Variants in MARCHF11 observed in about 807,000 individuals in gnomAD.
MARCHF11 encodes membrane associated ring-CH-type finger 11.
MARCHF11 carries 29 observed loss-of-function variants against 37.3 expected under a neutral mutation model. The observed-to-expected ratio is 0.78, with a 90% CI of 0.58 to 1.06. MARCHF11 has a LOEUF of 1.06. MARCHF11 is among the 50% of genes least tolerant of loss of function. MARCHF11 has a pLI of 0.00. For missense variants in MARCHF11, 482 were observed against 533.4 expected (o/e 0.90, Z 0.95); for synonymous variants, 233 against 228.0 (o/e 1.02, Z -0.20).
chr5:16,170,085 G>A (rs932723099), intron 2 of MARCHF11, among the ~76,000 whole-genome samples: 6 of 152,180 alleles, frequency 3.9e-5, no homozygotes, highest in South Asian at 2.1e-4. Context: ...TGTTACAACC[G>A]TGCAAACTGC....
intron 2 of MARCHF11, among the ~76,000 whole-genome samples, chr5:16,126,985 C>A (rs1288133894): frequency 1.3e-5 from 2 of 152,148 alleles, no homozygotes; most frequent in African/African-American, 4.8e-5. Context: ...CTGCTTACAT[C>A]ACCTTAGCTC....
chr5:16,073,620 A>G (rs1441714556), intron 3 of MARCHF11, among the ~76,000 whole-genome samples: 2 of 149,908 alleles, frequency 1.3e-5, no homozygotes, highest in African/African-American at 4.9e-5. Flanking sequence ...TATATATAGA[A>G]CTATATCCAA....
chr5:16,079,966 C>T (rs773821624), intron 3 of MARCHF11, among the ~76,000 whole-genome samples: 3 of 152,158 alleles, frequency 2.0e-5, no homozygotes, highest in Non-Finnish European at 4.4e-5. Context: ...TGGATTTTCA[C>T]TCTTTCTTCT....
intron 2 of MARCHF11, among the ~76,000 whole-genome samples, chr5:16,105,492 C>T (rs1737022958): frequency 6.6e-6 from 1 of 152,168 alleles, no homozygotes; most frequent in South Asian, 2.1e-4. Context: ...CTTCCCCTTG[C>T]TTAAACTTTA....
intron 2 of MARCHF11, among the ~76,000 whole-genome samples, chr5:16,119,485 C>A (rs541098487): frequency 6.6e-6 from 1 of 152,218 alleles, no homozygotes; most frequent in African/African-American, 2.4e-5. Context: ...CTGGCATTTC[C>A]TCTCTGGTAC....
In MARCHF11 at chr5:16,118,215, G is replaced by A. The variant is rs77917973; in HGVS notation, c.694-27134C>T. Among the ~76,000 whole-genome samples, 523 of 152,322 alleles carry A rather than the reference G, an allele frequency of 3.4e-3. 9 individuals carry two copies. The highest frequency in any genetic ancestry group is 0.012 in the African/African-American group (503 of 41,568). On this transcript the variant is annotated intron_variant, in intron 2 of 3. Coordinates refer to ENST00000332432, the MANE Select transcript of MARCHF11 (RefSeq NM_001102562.3). ...AAAGGAGCTTGAAGCAGTAAGCATG[G>A]CCGAGTCAGGCAGAGCCTGTGAGTC...
intron 2 of MARCHF11, among the ~76,000 whole-genome samples, chr5:16,167,106 T>G (rs531738020): frequency 6.7e-6 from 1 of 150,120 alleles, no homozygotes; most frequent in Non-Finnish European, 1.5e-5. Flanking sequence ...ATCATGAAAT[T>G]GAAAAATTAT....
chr5:16,078,634 G>C (rs6890863), intron 3 of MARCHF11, among the ~76,000 whole-genome samples: 5,688 of 152,176 alleles, frequency 0.037, 336 homozygotes, highest in African/African-American at 0.13. Flanking sequence ...AAATCCAACA[G>C]TTCCCCAGAG....
At chr5:16,166,170 T>C (rs1446214542) in intron 2 of MARCHF11, among the ~76,000 whole-genome samples, 1 of 152,108 alleles carries the variant, frequency 6.6e-6, no homozygotes, top group Non-Finnish European at 1.5e-5. Context: ...TGATGACTTA[T>C]ACCCAATCCT....
chr5:16,113,025 G>A (rs1357797171), intron 2 of MARCHF11, among the ~76,000 whole-genome samples: 1 of 152,150 alleles, frequency 6.6e-6, no homozygotes, highest in African/African-American at 2.4e-5. Context: ...CATCAGGAGT[G>A]TGAAAACAGA....
chr5:16,144,071 C>T (rs188961882), intron 2 of MARCHF11, among the ~76,000 whole-genome samples: 16 of 152,270 alleles, frequency 1.1e-4, no homozygotes, highest in African/African-American at 3.8e-4. Context: ...TGCTTACCCT[C>T]CCTAAGCCTT....
At chr5:16,109,374 C>T (rs775227089) in intron 2 of MARCHF11, among the ~76,000 whole-genome samples, 73 of 152,114 alleles carry the variant, frequency 4.8e-4, no homozygotes, top group Non-Finnish European at 7.2e-4. Context: ...TCACCAATGA[C>T]CAATGATGTA....
At chr5:16,069,413 G>T (rs1736399627) in intron 3 of MARCHF11, among the ~76,000 whole-genome samples, 1 of 152,114 alleles carries the variant, frequency 6.6e-6, no homozygotes, top group Non-Finnish European at 1.5e-5. Flanking sequence ...CAACATTTGG[G>T]TGTCCCAAAT....
chr5:16,134,977 T>TTCTCTCTCTCTCTCTCTC (rs146251875), intron 2 of MARCHF11, among the ~76,000 whole-genome samples: 31 of 143,096 alleles, frequency 2.2e-4, no homozygotes, highest in African/African-American at 8.0e-4. Context: ...TATGAGTGAT[T>TTCTCTCTCTCTCTCTCTC]TCTCTCTCTC....
intron 2 of MARCHF11, among the ~76,000 whole-genome samples, chr5:16,139,700 G>T (rs62350173): frequency 0.13 from 18,987 of 151,886 alleles, 1,479 homozygotes; most frequent in East Asian, 0.29. Context: ...CTATAAATAT[G>T]GTATCAATAT....
At chr5:16,143,001 A>T (rs576416833) in intron 2 of MARCHF11, among the ~76,000 whole-genome samples, 2 of 148,936 alleles carry the variant, frequency 1.3e-5, no homozygotes, top group South Asian at 4.2e-4. Context: ...CAGCCTCCCA[A>T]AGTGTTGGGA....
At chr5:16,161,514 G>A (rs1164952532) in intron 2 of MARCHF11, among the ~76,000 whole-genome samples, 1 of 151,836 alleles carries the variant, frequency 6.6e-6, no homozygotes, top group African/African-American at 2.4e-5. Flanking sequence ...AGTACCATAA[G>A]CTCAAACAAA....
intron 3 of MARCHF11, among the ~76,000 whole-genome samples, chr5:16,076,942 T>C (rs1302785030): frequency 6.6e-6 from 1 of 152,238 alleles, no homozygotes; most frequent in Non-Finnish European, 1.5e-5. Context: ...AGAATTAAAT[T>C]AAAATCTCTT....
chr5:16,164,780 G>A (rs1283234837), intron 2 of MARCHF11, among the ~76,000 whole-genome samples: 1 of 152,030 alleles, frequency 6.6e-6, no homozygotes, highest in East Asian at 1.9e-4. Flanking sequence ...TCTTTCAAAT[G>A]TATCCATTTT....
Sources: allele counts gnomAD v4.1 joint callset (sites outside exome capture counted in the v4.1 genomes callset), GRCh38; gene constraint gnomAD v4.1.1; transcripts MANE v1.5; gene names NCBI Gene and HGNC (gene_info 2026-07-23, HGNC 2026-07-21).